Variants in TPMT observed in about 807,000 individuals in gnomAD.
The protein encoded by TPMT is thiopurine S-methyltransferase, also known as S-adenosyl-L-methionine:thiopurine S-methyltransferase.
In TPMT, 18 loss-of-function variants were observed where a neutral mutation model predicts 34.2. That is an observed-to-expected ratio of 0.53 (90% CI 0.36 to 0.78). The LOEUF (loss-of-function observed/expected upper bound fraction) is 0.78, where lower values mean the gene tolerates loss of function less well. Ranked by LOEUF, TPMT falls within the 30% of genes least tolerant of loss-of-function variation. The probability of loss-of-function intolerance (pLI) is 0.00; values close to 1 mark genes in which losing one functional copy is unlikely to be tolerated. For missense variants in TPMT, 265 were observed against 288.1 expected (o/e 0.92, Z 0.58); for synonymous variants, 69 against 92.4 (o/e 0.75, Z 1.45).
rs1784042902 is a variant in TPMT, at chr6:18,136,541, G to A, written c.494+2422C>T. Among the ~76,000 whole-genome samples the A allele has an allele frequency of 6.6e-6, 1 of 152,200 alleles. No individual in the cohort carries two copies. The highest frequency in any genetic ancestry group is 1.5e-5 in the Non-Finnish European group (1 of 68,044). ...ATTTGATTTTTCAGCCAGGCGTGGT[G>A]GCTTACACCTCTAATCCCAGCACCG... On this transcript the variant is annotated intron_variant, in intron 6 of 8. Transcript: ENST00000309983. This position sits in a 1 kb window ranked among gnomAD's most constrained non-coding sequence, Gnocchi z 4.7.
rs1338874353 is a variant in TPMT at position 18,132,821 on chromosome 6, CG to C, written c.581-645del. 2.0e-5 allele frequency among the ~76,000 whole-genome samples: 3 copies of C among 151,718 alleles called. No homozygotes were observed. Among genetic ancestry groups the C allele is most frequent in the Admixed American group, 2.0e-4 (3 of 15,194 alleles). On this transcript the variant is annotated intron_variant, in intron 7 of 8. Transcript: ENST00000309983. The surrounding 1 kb of genome is among the most constrained non-coding windows in gnomAD (Gnocchi z 4.8). Reference sequence around the variant, plus strand: ...GCAGAAACAAAATACTAGCTGGGAACGGTGGCTCACGCCTGTAATCCCAGCA... The same window carrying C: ...GCAGAAACAAAATACTAGCTGGGAACGTGGCTCACGCCTGTAATCCCAGCA...
chr6:18,136,012 T>C lies in TPMT; in HGVS notation c.495-2123A>G, dbSNP rs539972412. On this transcript the variant is annotated intron_variant, in intron 6 of 8. Coordinates refer to ENST00000309983, the MANE Select transcript of TPMT (RefSeq NM_000367.5). The surrounding 1 kb of genome is among the most constrained non-coding windows in gnomAD (Gnocchi z 4.7). ...GCTAAATATATATTATATCAGACAC[T>C]GGGGAAATAACTGACCTCAGGTGAT... Among the ~76,000 whole-genome samples the C allele has an allele frequency of 3.0e-4, 45 of 152,184 alleles. 1 individual carries two copies. The highest frequency in any genetic ancestry group is 3.5e-4 in the Non-Finnish European group (24 of 68,016).
Position 18,144,712 on chromosome 6 carries a change from T to C in TPMT, c.234-984A>G, listed in dbSNP as rs532716395. Among the ~76,000 whole-genome samples, 3 of 148,266 alleles carry C rather than the reference T, an allele frequency of 2.0e-5. No individual in the cohort carries two copies. In the South Asian group the frequency reaches 6.4e-4, roughly 32 times the overall value. ...GTAATTTTGAGGAAAAGAGGAAAAT[T>C]TTTTCCTCAAAAAAAATTTTTTTTT... On this transcript the variant is annotated intron_variant, in intron 3 of 8. Transcript: ENST00000309983.
intron 4 of TPMT, among the ~76,000 whole-genome samples, chr6:18,142,153 G>A (rs1303194125): frequency 1.3e-5 from 2 of 151,732 alleles, no homozygotes; most frequent in Non-Finnish European, 2.9e-5. Context: ...TTTTCCTCTC[G>A]GAAGTCCCCT....
chr6:18,153,857 C>T lies in TPMT; in HGVS notation c.-45+1176G>A, dbSNP rs1161176767. Among the ~76,000 whole-genome samples, 4 of 152,208 alleles carry T rather than the reference C, an allele frequency of 2.6e-5. No individual in the cohort carries two copies. Among genetic ancestry groups the T allele is most frequent in the Non-Finnish European group, 5.9e-5 (4 of 68,034 alleles). ...AGAGTTCCACAGCAGCCTGGAGTAG[C>T]ACAACTCTATTCCTTTCACACAAAC... On this transcript the variant is annotated intron_variant, in intron 1 of 8. Coordinates refer to ENST00000309983, the MANE Select transcript of TPMT (RefSeq NM_000367.5). This position sits in a 1 kb window ranked among gnomAD's most constrained non-coding sequence, Gnocchi z 4.2.
intron 3 of TPMT, among the ~76,000 whole-genome samples, 164 bp downstream of exon 3, chr6:18,147,659 T>C (rs921551508): frequency 1.3e-5 from 2 of 152,212 alleles, no homozygotes; most frequent in African/African-American, 4.8e-5. Context: ...TGTTTCTTAC[T>C]GTTTGAGAAT....
At position 18,154,184 on chromosome 6, in the gene TPMT, T is replaced by G. The variant is rs1183625273; in HGVS notation, c.-45+849A>C. Reference sequence around the variant, plus strand: ...TAGCTGTTCTAACAGTTTCTCAGCATGGACTCCACTTGTATACATCATTTC... The same window carrying G: ...TAGCTGTTCTAACAGTTTCTCAGCAGGGACTCCACTTGTATACATCATTTC... On this transcript the variant is annotated intron_variant, in intron 1 of 8. Transcript: ENST00000309983. This position sits in a 1 kb window ranked among gnomAD's most constrained non-coding sequence, Gnocchi z 4.2. 6.6e-6 allele frequency among the ~76,000 whole-genome samples: 1 copy of G among 152,196 alleles called. No homozygotes were observed. The highest frequency in any genetic ancestry group is 1.5e-5 in the Non-Finnish European group (1 of 68,040).
chr6:18,143,668 T>A lies in TPMT; in HGVS notation c.294A>T (p.Glu98Asp). The stretch of plus-strand genomic sequence containing the variant: ...AAGAAAGATTCTGCTCTGTAAAAAA[T>A]TCTTGTATCCCAAGTTCACTGATTT... ...GVEISELGIQ[E>D]FFTEQNLSYS... is the part of the protein sequence containing the mutation. Residue 98 changes from glutamate to aspartate, a missense_variant, in exon 4 of 9, where the codon GAA becomes GAT. Transcript: ENST00000309983. The surrounding 1 kb of genome is among the most constrained non-coding windows in gnomAD (Gnocchi z 6.1). 7 of 1,614,074 alleles carry A rather than the reference T, an allele frequency of 4.3e-6. No individual in the cohort carries two copies. Among genetic ancestry groups the A allele is most frequent in the Non-Finnish European group, 5.9e-6 (7 of 1,180,014 alleles).
Position 18,148,434 on chromosome 6 carries a change from G to C in TPMT, c.141-519C>G, listed in dbSNP as rs75221067. On this transcript the variant is annotated intron_variant, in intron 2 of 8. Transcript: ENST00000309983. This position sits in a 1 kb window ranked among gnomAD's most constrained non-coding sequence, Gnocchi z 4.1. Reference sequence around the variant, plus strand: ...ATGATGTCATCTCCTGGGGAGATGGGCGTGGCTGCCCAGAACAAGGAATGT... The same window carrying C: ...ATGATGTCATCTCCTGGGGAGATGGCCGTGGCTGCCCAGAACAAGGAATGT... Among the ~76,000 whole-genome samples, 7,965 of 152,198 alleles carry C rather than the reference G, an allele frequency of 0.052. 254 individuals carry two copies. The highest frequency in any genetic ancestry group is 0.087 in the African/African-American group (3,602 of 41,506).
At chr6:18,141,693 C>T (rs980347058) in intron 4 of TPMT, among the ~76,000 whole-genome samples, 4 of 152,136 alleles carry the variant, frequency 2.6e-5, no homozygotes, top group Non-Finnish European at 5.9e-5. Context: ...ACTGAATATA[C>T]AGATGGACAA....
In TPMT at chr6:18,139,583, A is replaced by G. The variant is rs1399231335; in HGVS notation, c.419+82T>C. 13 of 1,108,144 alleles carry G rather than the reference A, an allele frequency of 1.2e-5. No individual in the cohort carries two copies. The Admixed American group carries it at 2.2e-4, about 18-fold the overall frequency. The allele number at this position is 1,108,144 out of a possible 1,614,324, so 68.6% of individuals were successfully genotyped here. ...GATGTTACACAGGAGGAAGAGAGTG[A>G]GGAAGACACCTCCACTCCCATGCCT... On this transcript the variant is annotated intron_variant, in intron 5 of 8. Coordinates refer to ENST00000309983, the MANE Select transcript of TPMT (RefSeq NM_000367.5). The surrounding 1 kb of genome is among the most constrained non-coding windows in gnomAD (Gnocchi z 4.2).
In TPMT at chr6:18,143,754, TA is replaced by T. The variant is rs768731685; in HGVS notation, c.234-27del. On this transcript the variant is annotated intron_variant, in intron 3 of 8. Coordinates refer to ENST00000309983, the MANE Select transcript of TPMT (RefSeq NM_000367.5). The surrounding 1 kb of genome is among the most constrained non-coding windows in gnomAD (Gnocchi z 6.1). ...CTGCATAAAATCATACATTTACACT[TA>T]AATTATGTTTTCAAATGACTAAATA... 1 of 1,613,312 alleles carries T rather than the reference TA, an allele frequency of 6.2e-7. No individual in the cohort carries two copies. Among genetic ancestry groups the T allele is most frequent in the African/African-American group, 1.3e-5 (1 of 75,038 alleles).
rs1055529827 is a variant in TPMT at position 18,130,074 on chromosome 6, A to C, written c.*594T>G. ...CGAGGTGGGTAGATCACCTGAGGTCAGGAGCTCGAGATCAGCCTGACCAAC... is the reference window on the plus strand; with the variant it reads ...CGAGGTGGGTAGATCACCTGAGGTCCGGAGCTCGAGATCAGCCTGACCAAC... On this transcript the variant is annotated 3_prime_UTR_variant, in exon 9 of 9. Coordinates refer to ENST00000309983, the MANE Select transcript of TPMT (RefSeq NM_000367.5). The surrounding 1 kb of genome is among the most constrained non-coding windows in gnomAD (Gnocchi z 4.2). The C allele has an allele frequency of 1.3e-5, 2 of 153,310 alleles. No homozygotes were observed. The highest frequency in any genetic ancestry group is 6.5e-5 in the Admixed American group (1 of 15,330). The allele number at this position is 153,310 out of a possible 1,614,324, so 9.5% of individuals were successfully genotyped here. A position where few individuals can be genotyped will look rare whatever the true frequency, so the allele number is the denominator to read the frequency against.
intron 3 of TPMT, among the ~76,000 whole-genome samples, chr6:18,144,447 C>A (rs745351868): frequency 6.6e-6 from 1 of 152,164 alleles, no homozygotes; most frequent in East Asian, 1.9e-4. Flanking sequence ...GGCACAATCT[C>A]GGCTCACTGC....
chr6:18,135,719 A>G lies in TPMT; in HGVS notation c.495-1830T>C, dbSNP rs2150710329. ...AAACCCCGTCTCTAGTAAAAATACA[A>G]AATTAGCTGGGTGTGGTGGCGCTAC... On this transcript the variant is annotated intron_variant, in intron 6 of 8. Coordinates refer to ENST00000309983, the MANE Select transcript of TPMT (RefSeq NM_000367.5). This position sits in a 1 kb window ranked among gnomAD's most constrained non-coding sequence, Gnocchi z 5.0. 6.6e-6 allele frequency among the ~76,000 whole-genome samples: 1 copy of G among 152,086 alleles called. No individual in the cohort carries two copies. Among genetic ancestry groups the G allele is most frequent in the South Asian group, 2.1e-4 (1 of 4,810 alleles).
chr6:18,130,544 G>C lies in TPMT; in HGVS notation c.*124C>G. On this transcript the variant is annotated 3_prime_UTR_variant, in exon 9 of 9. Coordinates refer to ENST00000309983, the MANE Select transcript of TPMT (RefSeq NM_000367.5). This position sits in a 1 kb window ranked among gnomAD's most constrained non-coding sequence, Gnocchi z 4.2. Reference sequence around the variant, plus strand: ...TGGCTTTACTAAAAAGCCATTTTTAGTAAAGATCTATCATATGATTTATAA... The same window carrying C: ...TGGCTTTACTAAAAAGCCATTTTTACTAAAGATCTATCATATGATTTATAA... The C allele has an allele frequency of 1.4e-6, 1 of 701,886 alleles. No individual in the cohort carries two copies. The highest frequency in any genetic ancestry group is 2.4e-6 in the Non-Finnish European group (1 of 416,876). The allele number at this position is 701,886 out of a possible 1,614,324, so 43.5% of individuals were successfully genotyped here.
Position 18,140,794 on chromosome 6 carries a change from G to A in TPMT, c.367-1077C>T, listed in dbSNP as rs1784123519. On this transcript the variant is annotated intron_variant, in intron 4 of 8. Transcript: ENST00000309983. This position sits in a 1 kb window ranked among gnomAD's most constrained non-coding sequence, Gnocchi z 4.7. ...TTGAAAGGGTGACACTCTAGGGTGT[G>A]GACTGGGGGCACACTCCAAGAGGGG... 6.6e-6 allele frequency among the ~76,000 whole-genome samples: 1 copy of A among 152,176 alleles called. No homozygotes were observed. The highest frequency in any genetic ancestry group is 2.4e-5 in the African/African-American group (1 of 41,436).
At position 18,154,049 on chromosome 6, in the gene TPMT, C is replaced by T. The variant is rs1213091296; in HGVS notation, c.-45+984G>A. ...CCTCTCACTTCAACCTCCTGAGTAC[C>T]TGGGACTATAAGGGTGCACCACCAT... On this transcript the variant is annotated intron_variant, in intron 1 of 8. Transcript: ENST00000309983. This position sits in a 1 kb window ranked among gnomAD's most constrained non-coding sequence, Gnocchi z 4.2. Among the ~76,000 whole-genome samples, 2 of 152,152 alleles carry T rather than the reference C, an allele frequency of 1.3e-5. No individual in the cohort carries two copies. The highest frequency in any genetic ancestry group is 2.9e-5 in the Non-Finnish European group (2 of 68,026).
At position 18,149,644 on chromosome 6, in the gene TPMT, T is replaced by G. The variant is rs1391458460; in HGVS notation, c.-44-473A>C. On this transcript the variant is annotated intron_variant, in intron 1 of 8. Transcript: ENST00000309983. This position sits in a 1 kb window ranked among gnomAD's most constrained non-coding sequence, Gnocchi z 5.0. ...GGTTAATTTTTGTATATATATATTT[T>G]TTAATAGAGATGGTTCTCATTTTGT... Among the ~76,000 whole-genome samples the G allele has an allele frequency of 1.3e-5, 2 of 152,052 alleles. No homozygotes were observed. The highest frequency in any genetic ancestry group is 2.9e-5 in the Non-Finnish European group (2 of 68,010).
Sources: allele counts gnomAD v4.1 joint callset (sites outside exome capture counted in the v4.1 genomes callset), GRCh38; gene constraint gnomAD v4.1.1; non-coding constraint Gnocchi (gnomAD v3.1); transcripts MANE v1.5; gene names NCBI Gene and HGNC (gene_info 2026-07-23, HGNC 2026-07-21).